Variants in CTNNA3 observed in about 807,000 individuals in gnomAD.
The protein encoded by CTNNA3 is catenin alpha 3.
Under a neutral mutation model 95.7 loss-of-function variants are expected in CTNNA3, and 76 were observed. The observed-to-expected ratio is 0.79, with a 90% CI of 0.66 to 0.96. The LOEUF (loss-of-function observed/expected upper bound fraction) is 0.96. Among genes scored for constraint, CTNNA3 ranks in the 40% least tolerant of loss-of-function variants. CTNNA3 has a pLI of 0.00. For synonymous variants in CTNNA3, 431 were observed against 374.4 expected, an observed-to-expected ratio of 1.15 and a Z score of -1.74; for missense variants, 1,191 against 1,089.8, an observed-to-expected ratio of 1.09 and a Z score of -1.31.
chr10:67,749,555 A>G (rs1841393474), intron 1 of CTNNA3, among the ~76,000 whole-genome samples: 1 of 152,220 alleles, frequency 6.6e-6, no homozygotes, highest in Non-Finnish European at 1.5e-5. Context: ...CCTGCTCCGA[A>G]TGACTCCTAG....
At chr10:67,618,504 C>T (rs1385067983) in intron 2 of CTNNA3, among the ~76,000 whole-genome samples, 1 of 152,174 alleles carries the variant, frequency 6.6e-6, no homozygotes, top group Non-Finnish European at 1.5e-5. Flanking sequence ...GCATTTCCCT[C>T]CCACTATCTG....
At chr10:67,550,618 T>G (rs1310944749) in intron 3 of CTNNA3, among the ~76,000 whole-genome samples, 1 of 151,276 alleles carries the variant, frequency 6.6e-6, no homozygotes, top group African/African-American at 2.4e-5. Flanking sequence ...AAATTAAGAA[T>G]TCTTTATTTA....
chr10:66,249,501 G>C (rs1589849160), intron 13 of CTNNA3, among the ~76,000 whole-genome samples: 1 of 152,092 alleles, frequency 6.6e-6, no homozygotes, highest in Non-Finnish European at 1.5e-5. Context: ...ACATACAAAT[G>C]TCAATGGCAA....
At chr10:67,548,069 G>A (rs1589412443) in intron 3 of CTNNA3, among the ~76,000 whole-genome samples, 1 of 152,142 alleles carries the variant, frequency 6.6e-6, no homozygotes, top group Admixed American at 6.6e-5. Flanking sequence ...CCCAGTGGGA[G>A]GTGTTTGGGT....
intron 7 of CTNNA3, among the ~76,000 whole-genome samples, chr10:66,822,041 G>C (rs1284362055): frequency 6.7e-6 from 1 of 149,660 alleles, no homozygotes; most frequent in African/African-American, 2.4e-5. Flanking sequence ...ATATATTATT[G>C]TTTACATTAT....
intron 8 of CTNNA3, among the ~76,000 whole-genome samples, chr10:66,768,762 A>C (rs915466517): frequency 7.7e-6 from 1 of 129,058 alleles, no homozygotes; most frequent in Non-Finnish European, 1.6e-5. Context: ...ATTACAATAA[A>C]GAAAAACTTA....
intron 11 of CTNNA3, among the ~76,000 whole-genome samples, chr10:66,421,123 G>A (rs1304844265): frequency 6.6e-6 from 1 of 152,108 alleles, no homozygotes; most frequent in Non-Finnish European, 1.5e-5. Flanking sequence ...CAACATGGAT[G>A]TCATTATGTT....
At chr10:66,996,649 C>CAAAAAAAAAAAAAAAAAAAAAAAAA (rs57025097) in intron 7 of CTNNA3, among the ~76,000 whole-genome samples, 3 of 67,638 alleles carry the variant, frequency 4.4e-5, no homozygotes, top group African/African-American at 5.9e-5. Flanking sequence ...TCCGTCTCTA[C>CAAAAAAAAAAAAAAAAAAAAAAAAA]AAAAAAAAAA....
chr10:66,361,530 CTCTT>C (rs553947768), intron 12 of CTNNA3, among the ~76,000 whole-genome samples: 16 of 147,714 alleles, frequency 1.1e-4, no homozygotes, highest in South Asian at 4.3e-4. Flanking sequence ...GCATCTTTCT[CTCTT>C]TCTTTCTTTC....
chr10:66,242,345 C>T (rs10996998), intron 13 of CTNNA3, among the ~76,000 whole-genome samples: 32,565 of 152,118 alleles, frequency 0.21, 3,675 homozygotes, highest in South Asian at 0.29. Context: ...TCACCAAAAT[C>T]AGCTTTTCAC....
At chr10:66,121,821 G>A (rs760407014) in intron 13 of CTNNA3, among the ~76,000 whole-genome samples, 3 of 152,076 alleles carry the variant, frequency 2.0e-5, no homozygotes, top group Non-Finnish European at 4.4e-5. Flanking sequence ...TCCAGCCTGG[G>A]TGACAGAGTG....
At chr10:65,950,044 G>T (rs1005660196) in intron 17 of CTNNA3, among the ~76,000 whole-genome samples, 1 of 151,858 alleles carries the variant, frequency 6.6e-6, no homozygotes, top group Admixed American at 6.6e-5. Context: ...ATGAAAGCAT[G>T]AAAAAAATCA....
At chr10:66,217,549 G>T (rs565075479) in intron 13 of CTNNA3, among the ~76,000 whole-genome samples, 1 of 152,160 alleles carries the variant, frequency 6.6e-6, no homozygotes, top group African/African-American at 2.4e-5. Context: ...CATTTTGATT[G>T]TTTCCAGTTT....
At chr10:66,998,457 G>A (rs1851483734) in intron 7 of CTNNA3, among the ~76,000 whole-genome samples, 1 of 152,100 alleles carries the variant, frequency 6.6e-6, no homozygotes, top group Non-Finnish European at 1.5e-5. Context: ...AAATTTGCAA[G>A]TAAAGGACAG....
chr10:67,181,775 C>T (rs1374241719), intron 6 of CTNNA3, among the ~76,000 whole-genome samples: 1 of 152,044 alleles, frequency 6.6e-6, no homozygotes, highest in East Asian at 1.9e-4. Context: ...TTAAAAGCCA[C>T]AACTGCAGAG....
intron 12 of CTNNA3, among the ~76,000 whole-genome samples, chr10:66,293,926 A>T (rs1427638904): frequency 6.6e-6 from 1 of 151,858 alleles, no homozygotes; most frequent in Non-Finnish European, 1.5e-5. Flanking sequence ...CTGCCTCCCA[A>T]AGTGTTGAAA....
intron 12 of CTNNA3, among the ~76,000 whole-genome samples, chr10:66,355,487 A>T (rs1042239613): frequency 3.3e-5 from 5 of 152,098 alleles, no homozygotes; most frequent in African/African-American, 9.6e-5. Context: ...ATATGTCAGT[A>T]GCACCTACAA....
intron 7 of CTNNA3, among the ~76,000 whole-genome samples, chr10:66,942,662 C>G (rs541860496): frequency 6.6e-6 from 1 of 151,694 alleles, no homozygotes; most frequent in Non-Finnish European, 1.5e-5. Flanking sequence ...CACTTTCTCA[C>G]TCTCTCTTTC....
At chr10:65,945,668 T>C (rs2077504862) in intron 17 of CTNNA3, among the ~76,000 whole-genome samples, 1 of 152,192 alleles carries the variant, frequency 6.6e-6, no homozygotes, top group Admixed American at 6.5e-5. Flanking sequence ...AGGATGGAAC[T>C]GGGGAATGAG....
Sources: gnomAD v4.1 joint callset for allele counts (sites outside exome capture counted in the v4.1 genomes callset) on GRCh38, gnomAD v4.1.1 for gene constraint, MANE v1.5 for transcripts, NCBI Gene and HGNC (gene_info 2026-07-23, HGNC 2026-07-21) for gene names.